Variants in ARNT2 observed in about 807,000 individuals in gnomAD.
The protein encoded by ARNT2 is ARNT protein 2.
A neutral mutation model predicts 91.7 loss-of-function variants in ARNT2; 36 were observed. The observed-to-expected ratio is 0.39, with a 90% confidence interval of 0.30 to 0.52. ARNT2 has a LOEUF of 0.52. Among genes scored for constraint, ARNT2 ranks in the 20% least tolerant of loss-of-function variants. ARNT2 has a pLI of 0.72. For missense variants in ARNT2, 775 were observed against 939.3 expected (o/e 0.83, Z 2.29); for synonymous variants, 365 against 347.1 (o/e 1.05, Z -0.57).
chr15:80,445,658 G>A (rs371441493), intron 1 of ARNT2, among the ~76,000 whole-genome samples: 3 of 151,960 alleles, frequency 2.0e-5, no homozygotes, highest in South Asian at 4.1e-4. Flanking sequence ...ACTCAGCTCC[G>A]CACAGGGAGA....
intron 5 of ARNT2, among the ~76,000 whole-genome samples, chr15:80,490,961 C>T (rs1158168169): frequency 2.0e-5 from 3 of 152,040 alleles, no homozygotes; most frequent in Admixed American, 6.5e-5. Context: ...CTAATTTACA[C>T]GTTAGAGGTG....
chr15:80,505,632 C>G (rs1897262658), intron 5 of ARNT2, among the ~76,000 whole-genome samples: 1 of 152,188 alleles, frequency 6.6e-6, no homozygotes, highest in Non-Finnish European at 1.5e-5. Context: ...TGTTAGGTAA[C>G]TTGCCCAGGG....
At chr15:80,580,179 A>G (rs1898764767) in intron 15 of ARNT2, 1 of 547,862 alleles carries the variant, frequency 1.8e-6, no homozygotes, top group Admixed American at 3.0e-5. Context: ...AGGAAGTACC[A>G]GACTACTAGA....
chr15:80,520,936 T>C (rs544176400), intron 8 of ARNT2, among the ~76,000 whole-genome samples: 1 of 152,328 alleles, frequency 6.6e-6, no homozygotes, highest in Non-Finnish European at 1.5e-5. Context: ...CTCTAGTATA[T>C]TGACTTTGGA....
chr15:80,421,960 C>G (rs777985350), intron 1 of ARNT2, among the ~76,000 whole-genome samples: 7 of 152,142 alleles, frequency 4.6e-5, no homozygotes, highest in South Asian at 2.1e-4. Context: ...AATTAAATAG[C>G]TACTCAACAC....
intron 8 of ARNT2, among the ~76,000 whole-genome samples, chr15:80,528,520 T>C (rs74615031): frequency 0.063 from 9,652 of 152,104 alleles, 487 homozygotes; most frequent in African/African-American, 0.14. Flanking sequence ...GCGCACCCCC[T>C]GCCCCACAAC....
intron 1 of ARNT2, among the ~76,000 whole-genome samples, chr15:80,433,442 C>T (rs1472342254): frequency 6.6e-6 from 1 of 151,676 alleles, no homozygotes; most frequent in Admixed American, 6.6e-5. Context: ...CACACCACCA[C>T]GCCCGGCTAA....
intron 1 of ARNT2, among the ~76,000 whole-genome samples, chr15:80,449,541 C>A (rs1247305247): frequency 6.6e-6 from 1 of 151,468 alleles, no homozygotes; most frequent in African/African-American, 2.4e-5. Context: ...TTGATGTGTA[C>A]CTTGGTTTAA....
At chr15:80,459,840 G>C in intron 3 of ARNT2, among the ~76,000 whole-genome samples, 1 of 152,202 alleles carries the variant, frequency 6.6e-6, no homozygotes, top group Non-Finnish European at 1.5e-5. Context: ...TAATAGGAAT[G>C]AGTTTGTAGG....
chr15:80,510,860 A>T (rs554419675), intron 6 of ARNT2, among the ~76,000 whole-genome samples: 6 of 152,242 alleles, frequency 3.9e-5, no homozygotes, highest in Middle Eastern at 3.4e-3. Flanking sequence ...ATAAAAATTT[A>T]AAAAGTCAAA....
intron 12 of ARNT2, among the ~76,000 whole-genome samples, chr15:80,568,180 G>A (rs903155123): frequency 1.3e-5 from 2 of 152,264 alleles, no homozygotes; most frequent in African/African-American, 2.4e-5. Context: ...CTGATTTAAC[G>A]TGCTGGTCAC....
At chr15:80,468,342 C>T (rs1896687010) in intron 3 of ARNT2, among the ~76,000 whole-genome samples, 1 of 152,002 alleles carries the variant, frequency 6.6e-6, no homozygotes, top group African/African-American at 2.4e-5. Flanking sequence ...AGGCAGAGAG[C>T]ATCACGGCTC....
At chr15:80,462,036 A>T (rs545206140) in intron 3 of ARNT2, among the ~76,000 whole-genome samples, 1 of 152,274 alleles carries the variant, frequency 6.6e-6, no homozygotes, top group Admixed American at 6.5e-5. Context: ...GGTCGGCACC[A>T]GTCCCTCCCT....
At chr15:80,410,843 ATCTCTC>A (rs141467598) in intron 1 of ARNT2, among the ~76,000 whole-genome samples, 1 of 146,090 alleles carries the variant, frequency 6.8e-6, no homozygotes, top group Non-Finnish European at 1.5e-5. Flanking sequence ...TCTGTCTACC[ATCTCTC>A]TCTCTCTCTC....
chr15:80,540,603 T>C (rs1452055502), intron 8 of ARNT2, among the ~76,000 whole-genome samples: 2 of 152,174 alleles, frequency 1.3e-5, no homozygotes, highest in East Asian at 3.8e-4. Flanking sequence ...ATCACTTACA[T>C]AGTGAGTATA....
intron 8 of ARNT2, among the ~76,000 whole-genome samples, chr15:80,532,199 G>A: frequency 6.6e-6 from 1 of 152,076 alleles, no homozygotes; most frequent in East Asian, 1.9e-4. Flanking sequence ...GCCTTGAGAG[G>A]CCAAGTCTTT....
intron 1 of ARNT2, 65 bp from the exon 2 acceptor site, chr15:80,450,815 A>G: frequency 2.6e-6 from 4 of 1,535,550 alleles, no homozygotes; most frequent in Non-Finnish European, 3.6e-6. Context: ...CCGTATCACA[A>G]CTTTCTTGCC....
chr15:80,561,346 ACTC>A (rs1205903546), intron 11 of ARNT2, among the ~76,000 whole-genome samples: 2 of 151,854 alleles, frequency 1.3e-5, no homozygotes, highest in Non-Finnish European at 2.9e-5. Context: ...GGAGGGGAGA[ACTC>A]CTGCTCACTG....
chr15:80,559,140 A>T (rs1258933875), intron 11 of ARNT2, among the ~76,000 whole-genome samples: 3 of 152,216 alleles, frequency 2.0e-5, no homozygotes, highest in African/African-American at 7.2e-5. Flanking sequence ...TCCATCCAAC[A>T]GCACATCCAA....
Sources: allele counts gnomAD v4.1 joint callset (sites outside exome capture counted in the v4.1 genomes callset), GRCh38; gene constraint gnomAD v4.1.1; transcripts MANE v1.5; gene names NCBI Gene and HGNC (gene_info 2026-07-23, HGNC 2026-07-21).